MED16: variants seen among roughly 807,000 people sequenced by gnomAD.
The protein encoded by MED16 is mediator of RNA polymerase II transcription subunit 16.
Under a neutral mutation model 84.4 loss-of-function variants are expected in MED16, and 81 were observed. The ratio of observed to expected loss-of-function variants is 0.96; its 90% CI spans 0.80 to 1.15. The LOEUF (loss-of-function observed/expected upper bound fraction) is 1.15. MED16 is among the 50% of genes most tolerant of loss of function. MED16 has a pLI of 0.00. For synonymous variants in MED16, 897 were observed against 552.2 expected, an observed-to-expected ratio of 1.62 and a Z score of -8.76; for missense variants, 1,585 against 1,245.9, an observed-to-expected ratio of 1.27 and a Z score of -4.10.
At chr19:869,849 G>A (rs540205616) in intron 13 of MED16, among the ~76,000 whole-genome samples, 2 of 152,358 alleles carry the variant, frequency 1.3e-5, no homozygotes, top group South Asian at 2.1e-4. Flanking sequence ...CAGGCTGGGG[G>A]TCTGACGGGC....
chr19:871,234 C>T lies in MED16; in HGVS notation c.2118G>A (p.Ala706=), dbSNP rs1003125768. ...CCACCAGCGCCTCGTCCGGCTCGCT[C>T]GCTGGGCCCTCATCGCGACCTGCGG... ...LWICCRDEGP[A]SEPDEALVDE... Residue 706 remains alanine (A), a synonymous_variant, in exon 13 of 16, where the codon GCG becomes GCA. Coordinates refer to ENST00000325464, the MANE Select transcript of MED16 (RefSeq NM_005481.3). 6.5e-6 allele frequency: 10 copies of T among 1,540,240 alleles called. No homozygotes were observed. In the Admixed American group the frequency reaches 7.8e-5, roughly 12 times the overall value.
intron 1 of MED16, 49 bp from the exon 2 acceptor site, chr19:891,198 G>A (rs917252324): frequency 9.8e-6 from 15 of 1,532,092 alleles, no homozygotes; most frequent in Non-Finnish European, 1.2e-5. Flanking sequence ...GAGCACCCAG[G>A]GCATGTGGAG....
Position 872,074 on chromosome 19 carries a change from G to C in MED16, c.1950C>G (p.Thr650=), listed in dbSNP as rs374265478. The C allele has an allele frequency of 3.1e-6, 5 of 1,609,422 alleles. No individual in the cohort carries two copies. The Admixed American group carries it at 6.7e-5, about 22-fold the overall frequency. The part of the protein sequence containing the change: ...RPGHSFLRDG[T]SLGMLRELMV... ...TCAATTCCCGAAGCATGCCCAGCGA[G>C]GTGCCGTCCCGCAGAAAGCTGTGGC... Residue 650 remains threonine (T), a synonymous_variant, in exon 12 of 16, where the codon ACC becomes ACG. Transcript: ENST00000325464.
intron 5 of MED16, 94 bp downstream of exon 5, chr19:885,676 G>A (rs763502675): frequency 1.3e-5 from 18 of 1,426,442 alleles, no homozygotes; most frequent in Middle Eastern, 2.1e-4. Flanking sequence ...GGTTTAGCCC[G>A]TGGAGGCCCG....
chr19:889,844 G>C (rs760290167), intron 3 of MED16, 37 bp from the exon 4 acceptor site: 1 of 1,582,222 alleles, frequency 6.3e-7, no homozygotes, highest in Non-Finnish European at 8.6e-7. Context: ...ACCTTCCAGG[G>C]ATGGGCAGAG....
At position 871,061 on chromosome 19, in the gene MED16, G is replaced by A. The variant is rs1381175981; in HGVS notation, c.2291C>T (p.Thr764Ile). 6.5e-6 allele frequency: 10 copies of A among 1,545,126 alleles called. No individual in the cohort carries two copies. Among genetic ancestry groups the A allele is most frequent in the African/African-American group, 2.7e-5 (2 of 72,900 alleles). ...RAPTLPGSAATLQLDGLARAP... is the reference protein window; with the variant it reads ...RAPTLPGSAAILQLDGLARAP... ...CCTGGCGAGGCCGTCGAGCTGCAGG[G>A]TGGCAGCACTGCCAGGCAGCGTGGG... Residue 764 changes from threonine (T) to isoleucine (I), a missense_variant, in exon 13 of 16, where the codon ACC becomes ATC. Thr to Ile is a moderately conservative substitution (Grantham distance 89). Transcript: ENST00000325464.
At chr19:888,929 A>G (rs73492593) in intron 4 of MED16, among the ~76,000 whole-genome samples, 2,727 of 152,182 alleles carry the variant, frequency 0.018, 74 homozygotes, top group African/African-American at 0.061. Context: ...GGTGGCTGTG[A>G]GGCCTTTGCC....
At chr19:892,967 C>A (rs1216151093) in intron 1 of MED16, 119 bp downstream of exon 1, 1 of 152,414 alleles carries the variant, frequency 6.6e-6, no homozygotes, top group African/African-American at 2.4e-5. Context: ...GCAGCCTTTG[C>A]TCCCGGCCAC....
rs139047798 is a variant in MED16 at position 877,155 on chromosome 19, G to C, written c.1379C>G (p.Ser460Cys). Reference protein sequence around the residue: ...GKLSVLRLSPSMGHPLEVGLA... With the variant: ...GKLSVLRLSPCMGHPLEVGLA... ...CCCCACCTCCAGCGGGTGGCCCATG[G>C]AAGGTGAGAGGCGGAGCACGCTCAG... Residue 460 changes from serine to cysteine, a missense_variant, in exon 9 of 16, where the codon TCC becomes TGC. Transcript: ENST00000325464. The C allele has an allele frequency of 6.2e-7, 1 of 1,611,434 alleles. No individual in the cohort carries two copies. Among genetic ancestry groups the C allele is most frequent in the East Asian group, 2.2e-5 (1 of 44,840 alleles).
At chr19:871,446 G>A (rs938467556) in intron 12 of MED16, among the ~76,000 whole-genome samples, 193 bp from the exon 13 acceptor site, 1 of 152,076 alleles carries the variant, frequency 6.6e-6, no homozygotes, top group South Asian at 2.1e-4. Context: ...GGTGACCCCA[G>A]AGTTCTCTCC....
chr19:868,738 A>AC, intron 14 of MED16, 125 bp downstream of exon 14: 1 of 1,154,808 alleles, frequency 8.7e-7, no homozygotes, highest in Non-Finnish European at 1.2e-6. Flanking sequence ...TGGCTCCAAC[A>AC]CTCCCTCTGG....
chr19:884,059 C>T (rs760982903), intron 6 of MED16, among the ~76,000 whole-genome samples: 2 of 152,168 alleles, frequency 1.3e-5, no homozygotes, highest in African/African-American at 2.4e-5. Flanking sequence ...CCTCTTGACA[C>T]GTGCTCATTA....
In MED16 at chr19:871,271, G is replaced by T. The variant is rs1015592040; in HGVS notation, c.2099-18C>A. 22 of 1,524,922 alleles carry T rather than the reference G, an allele frequency of 1.4e-5. No individual in the cohort carries two copies. The highest frequency in any genetic ancestry group is 1.9e-5 in the Non-Finnish European group (22 of 1,129,836). The allele number at this position is 1,524,922 out of a possible 1,614,324, so 94.5% of individuals were successfully genotyped here. ...ATCGCGACCTGCGGAGAGAGGTGGC[G>T]GAAGTCTCAGCACCCCTGACTGGGG... is the stretch of plus-strand genomic sequence containing the variant. On this transcript the variant is annotated intron_variant, in intron 12 of 15. Coordinates refer to ENST00000325464, the MANE Select transcript of MED16 (RefSeq NM_005481.3).
At chr19:878,803 C>T (rs1465377997) in intron 8 of MED16, among the ~76,000 whole-genome samples, 2 of 150,842 alleles carry the variant, frequency 1.3e-5, no homozygotes, top group Non-Finnish European at 1.5e-5. Context: ...GCCCCAGCCC[C>T]ACGTGCCCCA....
chr19:883,366 C>T (rs1328953676), intron 6 of MED16, among the ~76,000 whole-genome samples: 2 of 131,894 alleles, frequency 1.5e-5, no homozygotes, highest in East Asian at 2.1e-4. Flanking sequence ...ACGGTGGGCA[C>T]GTGGGGTGGT....
intron 13 of MED16, 149 bp downstream of exon 13, chr19:870,888 G>A (rs2036032759): frequency 9.2e-6 from 7 of 757,186 alleles, no homozygotes; most frequent in East Asian, 8.6e-5. Flanking sequence ...GGGGGGTCCC[G>A]GGCAGGACAT....
In MED16 at chr19:873,710, G is replaced by A. The variant is rs560091649; in HGVS notation, c.1772-128C>T. ...ACCAGGACACAAGGGGACCCACACC[G>A]GGAACGAGAAGGGGGCGATGGCGTT... On this transcript the variant is annotated intron_variant, in intron 10 of 15. Transcript: ENST00000325464. 4,973 of 1,131,596 alleles carry A rather than the reference G, an allele frequency of 4.4e-3. 18 individuals are homozygous for A. The highest frequency in any genetic ancestry group is 9.1e-3 in the Middle Eastern group (35 of 3,854). 70.1% of individuals were successfully genotyped at this position (1,131,596 alleles called of 1,614,324 possible). A position where few individuals can be genotyped will look rare whatever the true frequency, so the allele number is the denominator to read the frequency against.
At chr19:880,701 C>T (rs1012356725) in intron 7 of MED16, among the ~76,000 whole-genome samples, 1 of 152,158 alleles carries the variant, frequency 6.6e-6, no homozygotes, top group African/African-American at 2.4e-5. Flanking sequence ...GGGCAGATTG[C>T]CTGAGCTCAG....
Position 880,690 on chromosome 19 carries a change from C to T in MED16, c.1142-542G>A, listed in dbSNP as rs575941403. Among the ~76,000 whole-genome samples, 7 of 152,292 alleles carry T rather than the reference C, an allele frequency of 4.6e-5. No individual in the cohort carries two copies. In the South Asian group the frequency reaches 1.2e-3, roughly 27 times the overall value. On this transcript the variant is annotated intron_variant, in intron 7 of 15. Coordinates refer to ENST00000325464, the MANE Select transcript of MED16 (RefSeq NM_005481.3). ...ATCCTAGCACTTTGGGAGGCTGAGGCGGGCAGATTGCCTGAGCTCAGGGGT... is the reference window on the plus strand; with the variant it reads ...ATCCTAGCACTTTGGGAGGCTGAGGTGGGCAGATTGCCTGAGCTCAGGGGT...
Sources: gnomAD v4.1 joint callset for allele counts (sites outside exome capture counted in the v4.1 genomes callset) on GRCh38, gnomAD v4.1.1 for gene constraint, MANE v1.5 for transcripts, NCBI Gene and HGNC (gene_info 2026-07-23, HGNC 2026-07-21) for gene names.